The following TASP1 variants were observed in gnomAD, a reference collection of about 807,000 sequenced individuals.
The protein encoded by TASP1 is threonine aspartase 1.
A neutral mutation model predicts 56.6 loss-of-function variants in TASP1; 16 were observed. That is an observed-to-expected ratio of 0.28 (90% CI 0.19 to 0.43). The LOEUF (loss-of-function observed/expected upper bound fraction) is 0.43, where lower values mean the gene tolerates loss of function less well. Among genes scored for constraint, TASP1 ranks in the 20% least tolerant of loss-of-function variants. TASP1 has a pLI of 1.00. For missense variants in TASP1, 393 were observed against 511.6 expected (o/e 0.77, Z 2.24); for synonymous variants, 179 against 184.2 (o/e 0.97, Z 0.23).
chr20:13,110,341 C>T, the TASP1 span: 6 of 762,686 alleles, frequency 7.9e-6, no homozygotes, highest in Non-Finnish European at 1.2e-5. Flanking sequence ...GACACAGGGA[C>T]CTGAGACAGA....
At chr20:13,407,872 A>G (rs2041976627) in intron 13 of TASP1, among the ~76,000 whole-genome samples, 2 of 152,136 alleles carry the variant, frequency 1.3e-5, no homozygotes, top group African/African-American at 4.8e-5. Flanking sequence ...CTATTTGTAT[A>G]TCGTCTTTAG....
chr20:13,214,689 G>A, the TASP1 span, among the ~76,000 whole-genome samples: 3 of 152,166 alleles, frequency 2.0e-5, no homozygotes, highest in South Asian at 2.1e-4. Context: ...CCTCTGCTGC[G>A]TTTTGCTAGT....
chr20:13,409,895 A>G (rs2123706526), intron 13 of TASP1, among the ~76,000 whole-genome samples: 1 of 152,272 alleles, frequency 6.6e-6, no homozygotes, highest in East Asian at 1.9e-4. Context: ...AACTATAGTC[A>G]ACTTACTCTA....
chr20:13,593,501 T>C (rs1016088790), intron 4 of TASP1, among the ~76,000 whole-genome samples: 25 of 152,196 alleles, frequency 1.6e-4, no homozygotes, highest in Admixed American at 1.3e-3. Context: ...CCTGACCAAA[T>C]ACTGTGCTTT....
chr20:13,444,632 T>C lies in TASP1; in HGVS notation c.986-9478A>G, dbSNP rs139078399. ...AAGGACTTTTTCTCTTAAGATGCAC[T>C]TAAGTCTACAAGATTGTCTCCATCG... On this transcript the variant is annotated intron_variant, in intron 11 of 13. Transcript: ENST00000337743. Among the ~76,000 whole-genome samples the C allele has an allele frequency of 6.3e-3, 952 of 152,312 alleles. 9 individuals are homozygous for C. The highest frequency in any genetic ancestry group is 6.4e-3 in the Non-Finnish European group (433 of 68,028).
chr20:13,279,848 A>G, the TASP1 span: 18 of 1,613,824 alleles, frequency 1.1e-5, no homozygotes, highest in South Asian at 8.8e-5. Context: ...GGGTGGGACC[A>G]TACAGCCCCA....
the TASP1 span, among the ~76,000 whole-genome samples, chr20:13,356,177 G>C: frequency 1.3e-5 from 2 of 152,214 alleles, no homozygotes; most frequent in Non-Finnish European, 2.9e-5. Context: ...ATCTTGATTT[G>C]AGGATGTGCC....
At chr20:13,562,284 T>A (rs1484017364) in intron 7 of TASP1, among the ~76,000 whole-genome samples, 16 of 152,072 alleles carry the variant, frequency 1.1e-4, no homozygotes, top group Admixed American at 1.0e-3. Flanking sequence ...ATTTTATGGC[T>A]ATAAACACAT....
At chr20:13,218,522 A>G in the TASP1 span, among the ~76,000 whole-genome samples, 22 of 152,222 alleles carry the variant, frequency 1.4e-4, no homozygotes, top group Non-Finnish European at 3.2e-4. Context: ...ACAGACATGC[A>G]AACAGACACA....
At chr20:13,352,419 C>T in the TASP1 span, among the ~76,000 whole-genome samples, 1 of 148,266 alleles carries the variant, frequency 6.7e-6, no homozygotes, top group Non-Finnish European at 1.5e-5. Context: ...CACTGAACTC[C>T]AGCCTGGGTG....
intron 5 of TASP1, 95 bp downstream of exon 5, chr20:13,587,155 C>T (rs1184820723): frequency 7.2e-7 from 1 of 1,395,228 alleles, no homozygotes; most frequent in African/African-American, 1.5e-5. Flanking sequence ...CTATTCCAAG[C>T]AGAAATGGTG....
At chr20:13,172,732 A>G in the TASP1 span, among the ~76,000 whole-genome samples, 1 of 152,180 alleles carries the variant, frequency 6.6e-6, no homozygotes, top group Non-Finnish European at 1.5e-5. Flanking sequence ...GGATTTTTTT[A>G]AATGAAAGAT....
the TASP1 span, among the ~76,000 whole-genome samples, chr20:13,307,623 T>C: frequency 1.3e-5 from 2 of 152,312 alleles, no homozygotes; most frequent in Middle Eastern, 3.4e-3. Context: ...GAATAATCAG[T>C]ATCATGAATT....
At chr20:13,164,965 C>A in the TASP1 span, 2 of 1,067,690 alleles carry the variant, frequency 1.9e-6, no homozygotes, top group Non-Finnish European at 2.7e-6. Context: ...TTCCTCAGGA[C>A]AATTTTGGTT....
chr20:13,208,014 T>C, the TASP1 span, among the ~76,000 whole-genome samples: 3 of 152,220 alleles, frequency 2.0e-5, no homozygotes, highest in African/African-American at 7.2e-5. Flanking sequence ...ATAAAACTTA[T>C]ACCCTATTTA....
intron 2 of TASP1, 40 bp downstream of exon 2, chr20:13,629,894 C>A (rs376305108): frequency 1.2e-5 from 19 of 1,608,216 alleles, no homozygotes; most frequent in Non-Finnish European, 1.6e-5. Flanking sequence ...AAAGAAAAAT[C>A]AACATTATTG....
intron 8 of TASP1, among the ~76,000 whole-genome samples, chr20:13,540,813 T>C (rs1266588761): frequency 6.6e-6 from 1 of 152,152 alleles, no homozygotes; most frequent in African/African-American, 2.4e-5. Context: ...TATACACATG[T>C]TAAAATTCAT....
Position 13,602,993 on chromosome 20 carries a change from G to A in TASP1, c.283-15623C>T, listed in dbSNP as rs149772655. 9.8e-3 allele frequency among the ~76,000 whole-genome samples: 1,484 copies of A among 152,016 alleles called. 8 individuals are homozygous for A. The highest frequency in any genetic ancestry group is 0.017 in the Middle Eastern group (5 of 292). ...TGTCTGTAATCCCAACACTTTGGGAGGCCGAGGCAGGTGGATCACCTGAGG... is the reference window on the plus strand; with the variant it reads ...TGTCTGTAATCCCAACACTTTGGGAAGCCGAGGCAGGTGGATCACCTGAGG... On this transcript the variant is annotated intron_variant, in intron 4 of 13. Coordinates refer to ENST00000337743, the MANE Select transcript of TASP1 (RefSeq NM_017714.3).
At chr20:13,483,194 T>G (rs1226361199) in intron 11 of TASP1, 33 bp downstream of exon 11, 1 of 1,408,766 alleles carries the variant, frequency 7.1e-7, no homozygotes, top group Admixed American at 2.1e-5. Context: ...AATCCATATT[T>G]AGAAGATGTA....
Sources: allele counts gnomAD v4.1 joint callset (sites outside exome capture counted in the v4.1 genomes callset), GRCh38; gene constraint gnomAD v4.1.1; transcripts MANE v1.5; gene names NCBI Gene and HGNC (gene_info 2026-07-23, HGNC 2026-07-21).